TAMM41: variants seen among roughly 807,000 people sequenced by gnomAD.
TAMM41 encodes TAM41 mitochondrial translocator assembly and maintenance homolog.
A neutral mutation model predicts 44.1 loss-of-function variants in TAMM41; 36 were observed. The observed-to-expected ratio is 0.82, with a 90% CI of 0.63 to 1.08. The LOEUF is 1.08. Ranked by LOEUF, TAMM41 falls within the 50% of genes least tolerant of loss-of-function variation. The pLI is 0.00. For missense variants in TAMM41, 417 were observed against 404.3 expected, an observed-to-expected ratio of 1.03 and a Z score of -0.27; for synonymous variants, 164 against 153.1, an observed-to-expected ratio of 1.07 and a Z score of -0.53.
At chr3:11,722,625 T>A in the TAMM41 span, among the ~76,000 whole-genome samples, 1 of 151,946 alleles carries the variant, frequency 6.6e-6, no homozygotes, top group South Asian at 2.1e-4. Flanking sequence ...ATATAAAAAA[T>A]AAGTCAGGGC....
At chr3:11,764,283 A>G in the TAMM41 span, among the ~76,000 whole-genome samples, 1 of 151,966 alleles carries the variant, frequency 6.6e-6, no homozygotes, top group Non-Finnish European at 1.5e-5. Flanking sequence ...GGTGTGAGCC[A>G]TGGCGCCCAG....
At chr3:11,751,089 CTTTTTTTTTT>C in the TAMM41 span, among the ~76,000 whole-genome samples, 1 of 130,278 alleles carries the variant, frequency 7.7e-6, no homozygotes. Context: ...ACAGATGATA[CTTTTTTTTTT>C]TTTTTTTTTG....
chr3:11,747,896 A>G, the TAMM41 span, among the ~76,000 whole-genome samples: 1 of 104,848 alleles, frequency 9.5e-6, no homozygotes, highest in Non-Finnish European at 2.2e-5. Context: ...TTTTTTTGAG[A>G]CAGGGTCTTG....
chr3:11,835,078 G>A (rs2079123042), intron 3 of TAMM41, among the ~76,000 whole-genome samples: 2 of 152,168 alleles, frequency 1.3e-5, no homozygotes, highest in African/African-American at 2.4e-5. Flanking sequence ...TTTAGACAAT[G>A]TAATTTAATG....
intron 4 of TAMM41, among the ~76,000 whole-genome samples, chr3:11,823,948 C>A (rs1019392252): frequency 1.3e-5 from 2 of 150,836 alleles, no homozygotes; most frequent in African/African-American, 4.9e-5. Context: ...GCCTCAGCTT[C>A]CCAAGTAACT....
chr3:11,722,806 T>C, the TAMM41 span, among the ~76,000 whole-genome samples: 1 of 152,054 alleles, frequency 6.6e-6, no homozygotes, highest in Non-Finnish European at 1.5e-5. Context: ...CCGTCTCTAC[T>C]AAAAATACAA....
At chr3:11,732,997 TTTG>T in the TAMM41 span, among the ~76,000 whole-genome samples, 1,277 of 104,496 alleles carry the variant, frequency 0.012, 45 homozygotes, top group Middle Eastern at 0.042. Context: ...GAGTTTTTTT[TTTG>T]TTTGTTTGTT....
chr3:11,820,365 G>C (rs961680597), intron 4 of TAMM41, among the ~76,000 whole-genome samples: 2 of 152,128 alleles, frequency 1.3e-5, no homozygotes, highest in Admixed American at 1.3e-4. Context: ...CTTTCTGAGA[G>C]AAGGATTTAC....
the TAMM41 span, among the ~76,000 whole-genome samples, chr3:11,774,875 T>TTA: frequency 6.6e-6 from 1 of 151,436 alleles, no homozygotes. Flanking sequence ...AAAGCATTTT[T>TTA]TTTTTTTTTT....
At chr3:11,751,115 A>G in the TAMM41 span, among the ~76,000 whole-genome samples, 2 of 142,222 alleles carry the variant, frequency 1.4e-5, no homozygotes, top group African/African-American at 2.7e-5. Flanking sequence ...TTTTGGACAC[A>G]GAGTCTCACT....
chr3:11,772,675 T>C, the TAMM41 span, among the ~76,000 whole-genome samples: 95,230 of 151,874 alleles, frequency 0.63, 30,516 homozygotes, highest in East Asian at 0.83. Flanking sequence ...TCCCTTTGGG[T>C]AGATACCCAG....
intron 2 of TAMM41, chr3:11,843,733 T>A (rs936495436): frequency 3.5e-6 from 1 of 286,672 alleles, no homozygotes; most frequent in Non-Finnish European, 6.4e-6. Flanking sequence ...ATAAAAAAAA[T>A]AAAATAAGTC....
At chr3:11,780,330 AG>A in the TAMM41 span, among the ~76,000 whole-genome samples, 1 of 152,284 alleles carries the variant, frequency 6.6e-6, no homozygotes, top group South Asian at 2.1e-4. Flanking sequence ...CTCTTCATTT[AG>A]GGCTTTTGAA....
chr3:11,746,347 G>A, the TAMM41 span, among the ~76,000 whole-genome samples: 1 of 150,794 alleles, frequency 6.6e-6, no homozygotes, highest in Non-Finnish European at 1.5e-5. Context: ...ACCATATGAC[G>A]CCAGAAGTGT....
chr3:11,832,844 C>A (rs985081814), intron 3 of TAMM41, among the ~76,000 whole-genome samples: 1 of 152,174 alleles, frequency 6.6e-6, no homozygotes, highest in Non-Finnish European at 1.5e-5. Flanking sequence ...TTTTGAGATG[C>A]TAACAATTCA....
At chr3:11,845,939 A>G (rs2079664532) in intron 1 of TAMM41, among the ~76,000 whole-genome samples, 1 of 152,242 alleles carries the variant, frequency 6.6e-6, no homozygotes, top group South Asian at 2.1e-4. Flanking sequence ...GATGTTAGTT[A>G]CTTTCACTGC....
At chr3:11,835,388 TTA>T (rs2079135959) in intron 3 of TAMM41, among the ~76,000 whole-genome samples, 2 of 152,356 alleles carry the variant, frequency 1.3e-5, no homozygotes, top group Non-Finnish European at 2.9e-5. Context: ...TCAAATGACT[TTA>T]TGATACCCTA....
rs2078313657 is a variant in TAMM41, at chr3:11,817,202, C to T, written c.698G>A (p.Gly233Asp). The change falls in exon 5 of 8, where the codon GGC (glycine) becomes GAC (aspartate). Residue 233 changes from glycine (G) to aspartate (D), a missense_variant. By Grantham distance (94) the Gly-to-Asp change is moderately conservative. Transcript: ENST00000455809. ...NPQVVYKSQQ[G>D]WLEIDKSPEG... ...TCCACATACAGTTACCTCCAGCCAG[C>T]CTTGCTGGCTTTTATACACCACTTG... The T allele has an allele frequency of 1.9e-6, 3 of 1,610,778 alleles. No individual in the cohort carries two copies. Among genetic ancestry groups the T allele is most frequent in the Non-Finnish European group, 2.5e-6 (3 of 1,177,510 alleles).
At chr3:11,722,825 C>T in the TAMM41 span, among the ~76,000 whole-genome samples, 1 of 152,126 alleles carries the variant, frequency 6.6e-6, no homozygotes, top group South Asian at 2.1e-4. Context: ...AAAAATTAGC[C>T]AGATGTGGTG....
Sources: gnomAD v4.1 joint callset for allele counts (sites outside exome capture counted in the v4.1 genomes callset) on GRCh38, gnomAD v4.1.1 for gene constraint, MANE v1.5 for transcripts, NCBI Gene and HGNC (gene_info 2026-07-23, HGNC 2026-07-21) for gene names.